The following TSNARE1 variants were observed in gnomAD, a reference collection of about 807,000 sequenced individuals.
The protein encoded by TSNARE1 is t-SNARE domain containing 1.
A neutral mutation model predicts 62.0 loss-of-function variants in TSNARE1; 49 were observed. The observed-to-expected ratio is 0.79, with a 90% CI of 0.63 to 1.00. The LOEUF is 1.00. Ranked by LOEUF, TSNARE1 falls within the 50% of genes least tolerant of loss-of-function variation. The pLI is 0.00. For synonymous variants in TSNARE1, 328 were observed against 294.4 expected, an observed-to-expected ratio of 1.11 and a Z score of -1.17; for missense variants, 755 against 700.1, an observed-to-expected ratio of 1.08 and a Z score of -0.88.
intron 1 of TSNARE1, among the ~76,000 whole-genome samples, chr8:142,380,356 C>T (rs1836648453): frequency 6.6e-6 from 1 of 152,190 alleles, no homozygotes; most frequent in Non-Finnish European, 1.5e-5. Context: ...CAGCAGGCCA[C>T]AGAGCAGGGA....
At chr8:142,346,932 G>A (rs1563961892) in intron 2 of TSNARE1, among the ~76,000 whole-genome samples, 2 of 152,172 alleles carry the variant, frequency 1.3e-5, no homozygotes, top group South Asian at 2.1e-4. Context: ...GCCTCTCATC[G>A]GACCCCCACG....
chr8:142,277,540 C>T (rs1162858084), intron 11 of TSNARE1: 22 of 985,346 alleles, frequency 2.2e-5, no homozygotes, highest in East Asian at 1.1e-4. Flanking sequence ...CTGGGATGCC[C>T]CCACCCTGTC....
intron 3 of TSNARE1, 112 bp from the exon 4 acceptor site, chr8:142,344,584 T>A: frequency 2.6e-6 from 3 of 1,161,256 alleles, no homozygotes; most frequent in Non-Finnish European, 3.5e-6. Context: ...AGGACACGGC[T>A]GCCTGGTCCT....
intron 1 of TSNARE1, among the ~76,000 whole-genome samples, chr8:142,397,917 C>T (rs1347542239): frequency 2.6e-5 from 4 of 152,174 alleles, no homozygotes; most frequent in Non-Finnish European, 5.9e-5. Flanking sequence ...CTGCTCCACC[C>T]AGCCCTGTCT....
rs557176407 is a variant in TSNARE1, at chr8:142,318,649, G to A, written c.894-15C>T. The A allele has an allele frequency of 1.1e-5, 18 of 1,613,316 alleles. No homozygotes were observed. In the South Asian group the frequency reaches 1.8e-4, roughly 16 times the overall value. ...GTGCCGTGTGCCTGGGGGCCGAGAA[G>A]GAGCCAGGAGCGAAGGCAGGGGAGG... On this transcript the variant is annotated splice_polypyrimidine_tract_variant and intron_variant, in intron 6 of 13. Transcript: ENST00000524325.
At chr8:142,355,544 G>T (rs1323033532) in intron 1 of TSNARE1, among the ~76,000 whole-genome samples, 1 of 152,164 alleles carries the variant, frequency 6.6e-6, no homozygotes, top group African/African-American at 2.4e-5. Context: ...GCAGCTCCAG[G>T]GACTCAGAGC....
chr8:142,279,323 G>A (rs935385129), intron 11 of TSNARE1, among the ~76,000 whole-genome samples: 5 of 152,334 alleles, frequency 3.3e-5, no homozygotes, highest in South Asian at 2.1e-4. Context: ...CCGGCCACAC[G>A]ACACCAGGCG....
At chr8:142,330,287 C>T (rs569787075) in intron 6 of TSNARE1, among the ~76,000 whole-genome samples, 1 of 152,306 alleles carries the variant, frequency 6.6e-6, no homozygotes, top group Non-Finnish European at 1.5e-5. Context: ...TGCTCCCTTC[C>T]CCCCGCTCCC....
chr8:142,273,868 G>A (rs777758296), intron 12 of TSNARE1: 20 of 985,244 alleles, frequency 2.0e-5, no homozygotes, highest in Non-Finnish European at 2.3e-5. Context: ...TGATATCCCA[G>A]CGTCCTGGGG....
At chr8:142,295,438 T>G (rs1180844211) in intron 10 of TSNARE1, among the ~76,000 whole-genome samples, 1 of 152,188 alleles carries the variant, frequency 6.6e-6, no homozygotes, top group Non-Finnish European at 1.5e-5. Flanking sequence ...GTGGCCGCTC[T>G]GCTCCTCTAA....
intron 12 of TSNARE1, among the ~76,000 whole-genome samples, chr8:142,268,603 A>G (rs1283911843): frequency 1.3e-5 from 2 of 151,878 alleles, no homozygotes; most frequent in African/African-American, 4.8e-5. Context: ...CTTAGTAACA[A>G]AATCCTGATT....
intron 4 of TSNARE1, among the ~76,000 whole-genome samples, chr8:142,339,861 AC>A (rs1832297278): frequency 6.6e-6 from 1 of 152,254 alleles, no homozygotes; most frequent in South Asian, 2.1e-4. Context: ...CTCCTCTGCA[AC>A]CAGCCCTCCT....
Position 142,330,907 on chromosome 8 carries a change from T to C in TSNARE1, c.887A>G (p.Asp296Gly). The change falls in exon 6 of 14, where the codon GAC (aspartate) becomes GGC (glycine). Residue 296 changes from aspartate to glycine, a missense_variant. Coordinates refer to ENST00000524325, the MANE Select transcript of TSNARE1 (RefSeq NM_145003.5). ...CCATGGCCCACACACTCACAGGCTG[T>C]CCCGAAGCTCCTGCGTGTCACTCGG... ...GTPSDTQELR[D>G]SLHTAQQETN... The C allele has an allele frequency of 6.2e-7, 1 of 1,614,058 alleles. No individual in the cohort carries two copies.
intron 12 of TSNARE1, among the ~76,000 whole-genome samples, chr8:142,256,742 CGAA>C (rs1818606625): frequency 6.6e-6 from 1 of 152,200 alleles, no homozygotes; most frequent in South Asian, 2.1e-4. Flanking sequence ...GCAATATGCT[CGAA>C]GTTGCACACA....
At chr8:142,251,904 T>C (rs113276774) in intron 12 of TSNARE1, among the ~76,000 whole-genome samples, 8,459 of 47,386 alleles carry the variant, frequency 0.18, 336 homozygotes, top group African/African-American at 0.24. Context: ...ACCATGTACC[T>C]GCCGCCCGCG....
intron 8 of TSNARE1, among the ~76,000 whole-genome samples, 153 bp downstream of exon 8, chr8:142,314,850 C>G (rs560867732): frequency 2.0e-5 from 3 of 152,234 alleles, no homozygotes; most frequent in Non-Finnish European, 4.4e-5. Flanking sequence ...TCCTGGCTGC[C>G]TAGAGACTGT....
chr8:142,223,733 A>G (rs1191131054), intron 13 of TSNARE1, among the ~76,000 whole-genome samples: 1 of 152,316 alleles, frequency 6.6e-6, no homozygotes, highest in East Asian at 1.9e-4. Context: ...CAGACAAGTC[A>G]ACAGCTACCA....
chr8:142,402,408 C>A (rs781710412), intron 1 of TSNARE1, among the ~76,000 whole-genome samples: 2 of 152,224 alleles, frequency 1.3e-5, no homozygotes, highest in Non-Finnish European at 2.9e-5. Context: ...ATGTAAACAG[C>A]CACACATGCC....
intron 11 of TSNARE1, among the ~76,000 whole-genome samples, chr8:142,281,835 T>C (rs990226818): frequency 4.6e-5 from 7 of 152,060 alleles, no homozygotes; most frequent in Non-Finnish European, 1.5e-5. Context: ...AGGTGAGGTT[T>C]CCTGAACGGA....
Sources: allele counts gnomAD v4.1 joint callset (sites outside exome capture counted in the v4.1 genomes callset), GRCh38; gene constraint gnomAD v4.1.1; transcripts MANE v1.5; gene names NCBI Gene and HGNC (gene_info 2026-07-23, HGNC 2026-07-21).